The following SHC3 variants were observed in gnomAD, a reference collection of about 807,000 sequenced individuals.
SHC3 encodes SHC adaptor protein 3.
Under a neutral mutation model 60.4 loss-of-function variants are expected in SHC3, and 15 were observed. The observed-to-expected ratio is 0.25, with a 90% confidence interval of 0.17 to 0.38. SHC3 has a LOEUF of 0.38. Among genes scored for constraint, SHC3 ranks in the 10% least tolerant of loss-of-function variants. The pLI is 1.00. For synonymous variants in SHC3, 294 were observed against 325.9 expected, an observed-to-expected ratio of 0.90 and a Z score of 1.05; for missense variants, 677 against 786.1, an observed-to-expected ratio of 0.86 and a Z score of 1.66.
At chr9:89,148,195 GC>G (rs1332641382) in intron 1 of SHC3, among the ~76,000 whole-genome samples, 1 of 152,092 alleles carries the variant, frequency 6.6e-6, no homozygotes, top group Non-Finnish European at 1.5e-5. Flanking sequence ...TTGTCTGATT[GC>G]GTTTCTGTGA....
At chr9:89,070,326 C>T (rs376505088) in intron 5 of SHC3, among the ~76,000 whole-genome samples, 2 of 152,252 alleles carry the variant, frequency 1.3e-5, no homozygotes, top group South Asian at 2.1e-4. Context: ...GGAGGGTGAG[C>T]CTTCTTCCCT....
intron 2 of SHC3, among the ~76,000 whole-genome samples, chr9:89,082,436 T>C (rs1035432776): frequency 2.0e-5 from 3 of 151,718 alleles, no homozygotes; most frequent in Non-Finnish European, 4.4e-5. Context: ...ACACAGCCAC[T>C]CCTGCTGCAT....
intron 11 of SHC3, among the ~76,000 whole-genome samples, chr9:89,031,287 G>A (rs566041933): frequency 6.6e-6 from 1 of 152,142 alleles, no homozygotes; most frequent in East Asian, 1.9e-4. Flanking sequence ...AATTCAATGG[G>A]TTTCAGTATA....
intron 1 of SHC3, among the ~76,000 whole-genome samples, chr9:89,161,303 T>C (rs912610674): frequency 3.9e-5 from 6 of 152,122 alleles, no homozygotes; most frequent in Non-Finnish European, 7.4e-5. Flanking sequence ...TTTAAAAGTG[T>C]AGGCGCCCTC....
In SHC3 at chr9:89,091,972, G is replaced by A. The variant is rs551985408; in HGVS notation, c.546-14069C>T. On this transcript the variant is annotated intron_variant, in intron 2 of 11. Transcript: ENST00000375835. ...AGTGAAGTGAACAGGTAATTCATAA[G>A]AAAGAAAATGAAACCAGACAGCACA... Among the ~76,000 whole-genome samples, 15 of 152,264 alleles carry A rather than the reference G, an allele frequency of 9.9e-5. No homozygotes were observed. The South Asian group carries it at 1.2e-3, about 13-fold the overall frequency.
intron 1 of SHC3, among the ~76,000 whole-genome samples, chr9:89,120,947 A>G (rs1826084373): frequency 6.6e-6 from 1 of 151,968 alleles, no homozygotes; most frequent in African/African-American, 2.4e-5. Flanking sequence ...TTTACATTTT[A>G]AAAGAGGATT....
chr9:89,148,343 A>T lies in SHC3; in HGVS notation c.474+29644T>A, dbSNP rs577922423. On this transcript the variant is annotated intron_variant, in intron 1 of 11. Coordinates refer to ENST00000375835, the MANE Select transcript of SHC3 (RefSeq NM_016848.6). ...TAAAAAAATGGAATCTGATCTTAGC[A>T]AAGAAAGAAAGGAGTAAAAAGTGCA... Among the ~76,000 whole-genome samples, 290 of 152,368 alleles carry T rather than the reference A, an allele frequency of 1.9e-3. 4 individuals are homozygous for T. The highest frequency in any genetic ancestry group is 6.5e-3 in the African/African-American group (271 of 41,592).
At chr9:89,026,513 C>A (rs371673507) in intron 11 of SHC3, among the ~76,000 whole-genome samples, 6 of 152,164 alleles carry the variant, frequency 3.9e-5, no homozygotes, top group African/African-American at 1.4e-4. Context: ...CTAGACCAAA[C>A]CAATGTACAT....
intron 3 of SHC3, among the ~76,000 whole-genome samples, chr9:89,077,194 A>C (rs1323187666): frequency 6.6e-6 from 1 of 151,860 alleles, no homozygotes; most frequent in East Asian, 1.9e-4. Flanking sequence ...CAAAAAAAAA[A>C]ACAAAAAAAA....
At chr9:89,028,859 T>C (rs1287724455) in intron 11 of SHC3, among the ~76,000 whole-genome samples, 3 of 147,646 alleles carry the variant, frequency 2.0e-5, no homozygotes, top group African/African-American at 7.4e-5. Context: ...AATATATCTA[T>C]ATATAGATTA....
At chr9:89,088,795 G>C (rs948500881) in intron 2 of SHC3, 2 of 152,340 alleles carry the variant, frequency 1.3e-5, no homozygotes, top group Non-Finnish European at 2.9e-5. Flanking sequence ...TCATTACCAC[G>C]ACAAAGGGAT....
At chr9:89,016,116 C>G (rs980820112) in intron 11 of SHC3, among the ~76,000 whole-genome samples, 3 of 151,642 alleles carry the variant, frequency 2.0e-5, no homozygotes, top group African/African-American at 7.3e-5. Context: ...AACCTCTAGC[C>G]AGGCTAAGAA....
rs1825914863 is a variant in SHC3 at position 89,109,466 on chromosome 9, G to A, written c.545+3090C>T. 8.1e-6 allele frequency: 8 copies of A among 985,402 alleles called. No homozygotes were observed. The African/African-American group carries it at 1.0e-4, about 13-fold the overall frequency. 61.0% of individuals were successfully genotyped at this position (985,402 alleles called of 1,614,324 possible). On this transcript the variant is annotated intron_variant, in intron 2 of 11. Transcript: ENST00000375835. ...CATGATGGAGTGAAAGGATTGTGTG[G>A]TGAAAGTTTTTACCTTGGACTTTTG...
intron 11 of SHC3, chr9:89,037,499 A>C (rs2282125): frequency 4.2e-6 from 3 of 715,358 alleles, no homozygotes; most frequent in Non-Finnish European, 7.8e-6. Flanking sequence ...AGTGCCAGGG[A>C]TGGCCAACAT....
intron 6 of SHC3, among the ~76,000 whole-genome samples, chr9:89,056,066 TA>T (rs1352620524): frequency 8.5e-5 from 13 of 152,374 alleles, no homozygotes; most frequent in Admixed American, 2.0e-4. Flanking sequence ...GATCTATTGT[TA>T]TTATGATGGA....
At chr9:89,105,014 C>T (rs926848266) in intron 2 of SHC3, among the ~76,000 whole-genome samples, 1 of 152,268 alleles carries the variant, frequency 6.6e-6, no homozygotes. Flanking sequence ...CAATGCTGCC[C>T]CTACAGCTGA....
intron 11 of SHC3, among the ~76,000 whole-genome samples, chr9:89,016,455 C>G (rs1297644218): frequency 6.6e-6 from 1 of 152,068 alleles, no homozygotes; most frequent in Non-Finnish European, 1.5e-5. Context: ...AAAGACACAA[C>G]TTGCCAAAAC....
chr9:89,109,001 C>T, intron 2 of SHC3: 1 of 954,190 alleles, frequency 1.0e-6, no homozygotes, highest in Non-Finnish European at 1.2e-6. Context: ...TCAAAGCATT[C>T]CTCGACTTCT....
chr9:89,049,428 C>T (rs1039074456), intron 7 of SHC3, among the ~76,000 whole-genome samples: 6 of 152,194 alleles, frequency 3.9e-5, no homozygotes, highest in African/African-American at 9.7e-5. Flanking sequence ...GAACTTCATA[C>T]ATTATGTACA....
Sources: gnomAD v4.1 joint callset for allele counts (sites outside exome capture counted in the v4.1 genomes callset) on GRCh38, gnomAD v4.1.1 for gene constraint, MANE v1.5 for transcripts, NCBI Gene and HGNC (gene_info 2026-07-23, HGNC 2026-07-21) for gene names.